The following ERAP1 variants were observed in gnomAD, a reference collection of about 807,000 sequenced individuals.
The protein encoded by ERAP1 is adipocyte-derived leucine aminopeptidase.
ERAP1 carries 86 observed loss-of-function variants against 103.7 expected under a neutral mutation model. The observed-to-expected ratio is 0.83, with a 90% CI of 0.70 to 0.99. ERAP1 has a LOEUF of 0.99. Among genes scored for constraint, ERAP1 ranks in the 50% least tolerant of loss-of-function variants. The pLI, the probability that ERAP1 is intolerant of heterozygous loss-of-function variation, is 0.00. For synonymous variants in ERAP1, 398 were observed against 402.4 expected (o/e 0.99, Z 0.13); for missense variants, 1,009 against 1,128.4 (o/e 0.89, Z 1.52).
In ERAP1 at chr5:96,788,700, A is replaced by G. The variant is rs1776381645; in HGVS notation, c.1525-15T>C. ...TGATGCCAATGCTGGTGTGTACACA[A>G]AAAGGCAGACACATCACCCATTTAA... On this transcript the variant is annotated splice_polypyrimidine_tract_variant and intron_variant, in intron 10 of 18. Coordinates refer to ENST00000443439, the MANE Select transcript of ERAP1 (RefSeq NM_001040458.3). 1 of 1,613,364 alleles carries G rather than the reference A, an allele frequency of 6.2e-7. No individual in the cohort carries two copies. Among genetic ancestry groups the G allele is most frequent in the East Asian group, 2.2e-5 (1 of 44,878 alleles).
chr5:96,793,433 C>A lies in ERAP1; in HGVS notation c.1155G>T (p.Val385=), dbSNP rs894470753. The part of the protein sequence containing the change: ...NEGFAKFMEF[V]SVSVTHPELK... ...GTTCAGGATGGGTCACACTGACAGA[C>A]ACAAACTCCATAAATTTGGCAAATC... The change falls in exon 7 of 19, where the codon GTG becomes GTT. Residue 385 remains valine, a synonymous_variant. Coordinates refer to ENST00000443439, the MANE Select transcript of ERAP1 (RefSeq NM_001040458.3). The A allele has an allele frequency of 3.7e-6, 6 of 1,613,788 alleles. No individual in the cohort carries two copies. Among genetic ancestry groups the A allele is most frequent in the South Asian group, 1.1e-5 (1 of 91,076 alleles).
At chr5:96,858,548 A>G in the ERAP1 span, among the ~76,000 whole-genome samples, 44,999 of 152,056 alleles carry the variant, frequency 0.3, 6,718 homozygotes, top group East Asian at 0.33. Flanking sequence ...TGAACTAATT[A>G]CTTGGTGATT....
At chr5:96,921,144 C>T in the ERAP1 span, among the ~76,000 whole-genome samples, 1 of 152,212 alleles carries the variant, frequency 6.6e-6, no homozygotes, top group Non-Finnish European at 1.5e-5. Context: ...TGTCATCTGT[C>T]CCCAGCACTC....
chr5:96,777,209 A>G (rs1235633159), intron 18 of ERAP1, among the ~76,000 whole-genome samples: 1 of 152,090 alleles, frequency 6.6e-6, no homozygotes, highest in Non-Finnish European at 1.5e-5. Flanking sequence ...ATCTTAATTC[A>G]CCCCTTGAGC....
At chr5:96,883,877 T>C in the ERAP1 span, 1 of 1,613,776 alleles carries the variant, frequency 6.2e-7, no homozygotes, top group Non-Finnish European at 8.5e-7. Context: ...AGCCAACTTT[T>C]CAATCAAGAT....
the ERAP1 span, chr5:96,919,357 T>C: frequency 6.6e-6 from 1 of 152,356 alleles, no homozygotes; most frequent in East Asian, 1.9e-4. Flanking sequence ...TGGACCTTCC[T>C]TGGTTTTTAT....
chr5:96,808,834 T>C (rs1778970893), upstream of ERAP1, among the ~76,000 whole-genome samples: 2 of 151,946 alleles, frequency 1.3e-5, no homozygotes, highest in Non-Finnish European at 2.9e-5. Flanking sequence ...TTACCGAAAA[T>C]GGGTCCCGAT....
the ERAP1 span, among the ~76,000 whole-genome samples, chr5:96,887,636 G>C: frequency 6.6e-6 from 1 of 152,104 alleles, no homozygotes; most frequent in South Asian, 2.1e-4. Flanking sequence ...TTCCCTCAAT[G>C]AAAGAAGATC....
chr5:96,807,825 C>T, intron 1 of ERAP1, 35 bp downstream of exon 1: 6 of 985,368 alleles, frequency 6.1e-6, no homozygotes, highest in Non-Finnish European at 7.2e-6. Flanking sequence ...CCTCCCGGCC[C>T]GCAGTCCCCT....
chr5:96,873,744 G>T, the ERAP1 span: 2 of 319,576 alleles, frequency 6.3e-6, no homozygotes, highest in East Asian at 7.7e-5. Flanking sequence ...ACTAACATTT[G>T]TTGAGGGTCT....
the ERAP1 span, among the ~76,000 whole-genome samples, chr5:96,884,872 C>A: frequency 3.3e-5 from 5 of 152,196 alleles, no homozygotes; most frequent in African/African-American, 7.2e-5. Context: ...AGGAAACACA[C>A]ACTCACTGGT....
Position 96,804,265 on chromosome 5 carries a change from G to A in ERAP1, c.-17-322C>T, listed in dbSNP as rs1367183952. On this transcript the variant is annotated intron_variant, in intron 1 of 18. Transcript: ENST00000443439. Reference sequence around the variant, plus strand: ...GATATAGGCAGAAAAGGAATCATTAGGGGATCCTGAGTGGCTCACTACACG... The same window carrying A: ...GATATAGGCAGAAAAGGAATCATTAAGGGATCCTGAGTGGCTCACTACACG... 11 of 377,484 alleles carry A rather than the reference G, an allele frequency of 2.9e-5. No homozygotes were observed. The East Asian group carries it at 6.7e-4, about 23-fold the overall frequency. The allele number at this position is 377,484 out of a possible 1,614,324, so 23.4% of individuals were successfully genotyped here.
chr5:96,777,597 TTCA>T (rs1406301772), intron 18 of ERAP1, among the ~76,000 whole-genome samples: 1 of 146,846 alleles, frequency 6.8e-6, no homozygotes, highest in Non-Finnish European at 1.5e-5. Flanking sequence ...TGGAAAACAC[TTCA>T]CTCTCTACTT....
chr5:96,861,281 T>G, the ERAP1 span, among the ~76,000 whole-genome samples: 1,836 of 152,318 alleles, frequency 0.012, 21 homozygotes, highest in Non-Finnish European at 0.019. Context: ...GACATCTTCA[T>G]GTTACAGAGG....
chr5:96,782,690 A>G (rs1461879805), intron 15 of ERAP1, among the ~76,000 whole-genome samples: 1 of 152,206 alleles, frequency 6.6e-6, no homozygotes, highest in East Asian at 1.9e-4. Flanking sequence ...AGCAATTACT[A>G]TGCATCCCTG....
At chr5:96,896,498 T>C in the ERAP1 span, 22 of 1,613,036 alleles carry the variant, frequency 1.4e-5, 1 homozygote, top group South Asian at 2.3e-4. Flanking sequence ...AAGTTTCCTA[T>C]AACAAGGTAG....
chr5:96,887,098 TATAC>T, the ERAP1 span, among the ~76,000 whole-genome samples: 1,147 of 99,594 alleles, frequency 0.012, 9 homozygotes, highest in African/African-American at 0.037. Context: ...TATATATATA[TATAC>T]ACACACACAC....
intron 1 of ERAP1, 122 bp downstream of exon 1, chr5:96,807,738 C>T (rs1279049117): frequency 4.2e-6 from 3 of 712,098 alleles, no homozygotes; most frequent in South Asian, 1.2e-4. Context: ...CTCCCGTGCC[C>T]CGTCTCCCTC....
chr5:96,890,862 T>A, the ERAP1 span, among the ~76,000 whole-genome samples: 1 of 152,098 alleles, frequency 6.6e-6, no homozygotes, highest in South Asian at 2.1e-4. Context: ...AGATCAAAAG[T>A]CAAGGAAAGA....
Sources: allele counts gnomAD v4.1 joint callset (sites outside exome capture counted in the v4.1 genomes callset), GRCh38; gene constraint gnomAD v4.1.1; transcripts MANE v1.5; gene names NCBI Gene and HGNC (gene_info 2026-07-23, HGNC 2026-07-21).